Variants in CORO1C observed in about 807,000 individuals in gnomAD.
The protein encoded by CORO1C is coronin 1C, also known as coronin-1C.
CORO1C carries 14 observed loss-of-function variants against 51.2 expected under a neutral mutation model. That is an observed-to-expected ratio of 0.27 (90% CI 0.18 to 0.43). The LOEUF is 0.43. Ranked by LOEUF, CORO1C falls within the 20% of genes least tolerant of loss-of-function variation. CORO1C has a pLI of 1.00. For synonymous variants in CORO1C, 181 were observed against 210.5 expected (o/e 0.86, Z 1.21); for missense variants, 417 against 607.8 (o/e 0.69, Z 3.30).
chr12:108,705,804 C>T (rs1008764384), intron 1 of CORO1C, among the ~76,000 whole-genome samples: 58 of 152,028 alleles, frequency 3.8e-4, no homozygotes, highest in Non-Finnish European at 3.7e-4. Flanking sequence ...CCTAGGAATG[C>T]GAGGTTGGGT....
intron 3 of CORO1C, among the ~76,000 whole-genome samples, chr12:108,674,218 T>C (rs1294264662): frequency 6.6e-6 from 1 of 152,246 alleles, no homozygotes; most frequent in Admixed American, 6.5e-5. Context: ...TTCATAAGGC[T>C]ACAGCTACCA....
At chr12:108,707,956 TAA>T (rs1291514814) in intron 1 of CORO1C, among the ~76,000 whole-genome samples, 1 of 152,132 alleles carries the variant, frequency 6.6e-6, no homozygotes, top group Non-Finnish European at 1.5e-5. Flanking sequence ...CTAGGATGGC[TAA>T]AATAAAAAAT....
chr12:108,702,953 G>C, intron 1 of CORO1C: 1 of 1,529,432 alleles, frequency 6.5e-7, no homozygotes, highest in African/African-American at 1.4e-5. Context: ...CATACATTTT[G>C]AGTCTTTGGT....
chr12:108,693,918 A>C (rs140814696), intron 2 of CORO1C, among the ~76,000 whole-genome samples: 54 of 152,248 alleles, frequency 3.5e-4, no homozygotes, highest in Non-Finnish European at 6.9e-4. Flanking sequence ...GGGTGAAACT[A>C]TCTCTCACAC....
chr12:108,720,275 G>C (rs557474247), intron 1 of CORO1C, among the ~76,000 whole-genome samples: 36 of 152,236 alleles, frequency 2.4e-4, no homozygotes, highest in African/African-American at 7.5e-4. Context: ...GCTGCCAATA[G>C]TTTTAATTTA....
intron 2 of CORO1C, chr12:108,696,373 G>C (rs1020809597): frequency 6.9e-6 from 1 of 144,622 alleles, no homozygotes; most frequent in Non-Finnish European, 1.5e-5. Context: ...TTTAAGGCAG[G>C]ATTTACAGGC....
chr12:108,712,829 G>A lies in CORO1C; in HGVS notation c.-5-11506C>T, dbSNP rs1167791302. On this transcript the variant is annotated intron_variant, in intron 1 of 10. Coordinates refer to ENST00000261401, the MANE Select transcript of CORO1C (RefSeq NM_014325.4). ...AGGCACTGTCTCTAAGAAGGCTGAT[G>A]CAGGAAGACTGCTTGAGCCCAGGAG... Among the ~76,000 whole-genome samples, 5 of 149,870 alleles carry A rather than the reference G, an allele frequency of 3.3e-5. No homozygotes were observed. The East Asian group carries it at 7.9e-4, about 24-fold the overall frequency.
intron 1 of CORO1C, among the ~76,000 whole-genome samples, chr12:108,710,888 A>G (rs2035161693): frequency 6.6e-6 from 1 of 152,152 alleles, no homozygotes; most frequent in African/African-American, 2.4e-5. Flanking sequence ...TGTTGGGTGA[A>G]TATTTTAACC....
intron 2 of CORO1C, among the ~76,000 whole-genome samples, chr12:108,700,157 G>GA: frequency 6.6e-6 from 1 of 152,168 alleles, no homozygotes; most frequent in East Asian, 1.9e-4. Context: ...AAACAGCGGG[G>GA]ATCCACTTCC....
chr12:108,706,470 GGAAA>G (rs1214199444), intron 1 of CORO1C, among the ~76,000 whole-genome samples: 1 of 152,094 alleles, frequency 6.6e-6, no homozygotes, highest in Non-Finnish European at 1.5e-5. Flanking sequence ...CATTCAGATT[GGAAA>G]GAAAGAAGTA....
chr12:108,687,044 G>A (rs1020205934), intron 2 of CORO1C, among the ~76,000 whole-genome samples: 9 of 152,092 alleles, frequency 5.9e-5, no homozygotes, highest in South Asian at 4.1e-4. Context: ...ATTTGCTTTG[G>A]GGAAAACACT....
At chr12:108,688,758 G>A (rs1359416737) in intron 2 of CORO1C, among the ~76,000 whole-genome samples, 2 of 152,034 alleles carry the variant, frequency 1.3e-5, no homozygotes, top group African/African-American at 2.4e-5. Context: ...AATACAGGCC[G>A]GGCACGGTGG....
intron 3 of CORO1C, among the ~76,000 whole-genome samples, chr12:108,676,728 C>T (rs1455918102): frequency 2.7e-5 from 4 of 149,828 alleles, no homozygotes; most frequent in Admixed American, 6.7e-5. Context: ...GCTGAGATCA[C>T]GCCATTATAC....
intron 7 of CORO1C, 46 bp from the exon 8 acceptor site, chr12:108,652,463 C>T (rs1465444186): frequency 1.4e-5 from 22 of 1,541,240 alleles, no homozygotes; most frequent in Non-Finnish European, 2.0e-5. Flanking sequence ...TTAACTGAAA[C>T]ATCTGGATTA....
At chr12:108,662,254 A>T (rs1221882242) in intron 3 of CORO1C, 96 bp from the exon 4 acceptor site, 3 of 1,041,940 alleles carry the variant, frequency 2.9e-6, no homozygotes, top group African/African-American at 1.6e-5. Context: ...TGCTCTATGT[A>T]AACAGAACAT....
chr12:108,654,177 G>A, intron 7 of CORO1C, 129 bp downstream of exon 7: 1 of 647,688 alleles, frequency 1.5e-6, no homozygotes, highest in Non-Finnish European at 2.8e-6. Flanking sequence ...ATCTGTCCTT[G>A]GCTTATAACA....
chr12:108,655,032 A>G (rs2032875581), intron 6 of CORO1C, among the ~76,000 whole-genome samples: 1 of 152,204 alleles, frequency 6.6e-6, no homozygotes, highest in African/African-American at 2.4e-5. Context: ...GTACTTCTTT[A>G]ATTATAAAAT....
At chr12:108,703,927 G>A (rs1185731047) in intron 1 of CORO1C, among the ~76,000 whole-genome samples, 3 of 152,128 alleles carry the variant, frequency 2.0e-5, no homozygotes, top group Admixed American at 6.6e-5. Flanking sequence ...CCTCAGTGAG[G>A]TCCACCATTC....
chr12:108,676,146 C>T (rs2033901622), intron 3 of CORO1C, among the ~76,000 whole-genome samples: 1 of 152,024 alleles, frequency 6.6e-6, no homozygotes, highest in East Asian at 1.9e-4. Flanking sequence ...CAAAGAAAGG[C>T]AAGGAAATGA....
Sources: allele counts gnomAD v4.1 joint callset (sites outside exome capture counted in the v4.1 genomes callset), GRCh38; gene constraint gnomAD v4.1.1; transcripts MANE v1.5; gene names NCBI Gene and HGNC (gene_info 2026-07-23, HGNC 2026-07-21).